The following GALNTL6 variants were observed in gnomAD, a reference collection of about 807,000 sequenced individuals.
GALNTL6 encodes the protein polypeptide N-acetylgalactosaminyltransferase-like 6.
GALNTL6 carries 46 observed loss-of-function variants against 73.7 expected under a neutral mutation model. The ratio of observed to expected loss-of-function variants is 0.62; its 90% CI spans 0.49 to 0.80. GALNTL6 has a LOEUF of 0.80. Among genes scored for constraint, GALNTL6 ranks in the 30% least tolerant of loss-of-function variants. The pLI is 0.00. For synonymous variants in GALNTL6, 259 were observed against 263.7 expected (o/e 0.98, Z 0.17); for missense variants, 604 against 755.0 (o/e 0.80, Z 2.34).
At chr4:172,447,744 G>A (rs1308586037) in intron 5 of GALNTL6, among the ~76,000 whole-genome samples, 4 of 152,084 alleles carry the variant, frequency 2.6e-5, no homozygotes, top group African/African-American at 9.7e-5. Flanking sequence ...AAAGACCAGG[G>A]AGCATATATA....
intron 2 of GALNTL6, among the ~76,000 whole-genome samples, chr4:172,214,286 C>T (rs61492556): frequency 0.013 from 1,978 of 152,118 alleles, 40 homozygotes; most frequent in African/African-American, 0.044. Flanking sequence ...GGTCTGTTGT[C>T]TTTCCATATA....
At chr4:172,529,804 G>C (rs1397646729) in intron 5 of GALNTL6, among the ~76,000 whole-genome samples, 1 of 151,868 alleles carries the variant, frequency 6.6e-6, no homozygotes, top group Admixed American at 6.6e-5. Flanking sequence ...TCCTGCCTCA[G>C]CCTCCCAAGT....
chr4:172,557,410 T>A lies in GALNTL6; in HGVS notation c.553+208721T>A, dbSNP rs1736187827. Among the ~76,000 whole-genome samples, 4 of 152,034 alleles carry A rather than the reference T, an allele frequency of 2.6e-5. No individual in the cohort carries two copies. In the South Asian group the frequency reaches 8.3e-4, roughly 32 times the overall value. On this transcript the variant is annotated intron_variant, in intron 5 of 12. Coordinates refer to ENST00000506823, the MANE Select transcript of GALNTL6 (RefSeq NM_001034845.3). Reference sequence around the variant, plus strand: ...ATTGATCAGTTGGGCTTCCTCAAGATTAAAAATGCCTGTTCATCAGAAGTT... The same window carrying A: ...ATTGATCAGTTGGGCTTCCTCAAGAATAAAAATGCCTGTTCATCAGAAGTT...
At chr4:172,952,982 T>C (rs922089747) in intron 10 of GALNTL6, among the ~76,000 whole-genome samples, 5 of 152,214 alleles carry the variant, frequency 3.3e-5, no homozygotes, top group African/African-American at 1.2e-4. Flanking sequence ...CTGCTATTGG[T>C]ATATGCAAGT....
intron 5 of GALNTL6, among the ~76,000 whole-genome samples, chr4:172,728,252 T>C (rs1358801054): frequency 6.6e-6 from 1 of 152,214 alleles, no homozygotes; most frequent in Non-Finnish European, 1.5e-5. Context: ...TTTATATCCT[T>C]CTTCCTTTTC....
At chr4:172,670,408 T>C (rs2111202814) in intron 5 of GALNTL6, among the ~76,000 whole-genome samples, 1 of 152,254 alleles carries the variant, frequency 6.6e-6, no homozygotes, top group South Asian at 2.1e-4. Flanking sequence ...ATCAGTAATA[T>C]TGAATTTTTT....
intron 5 of GALNTL6, among the ~76,000 whole-genome samples, chr4:172,678,749 A>G (rs1732450523): frequency 6.6e-6 from 1 of 152,192 alleles, no homozygotes; most frequent in South Asian, 2.1e-4. Flanking sequence ...CTCTTAATCC[A>G]TGATGTCACT....
chr4:172,715,610 G>A (rs1735029923), intron 5 of GALNTL6, among the ~76,000 whole-genome samples: 1 of 152,138 alleles, frequency 6.6e-6, no homozygotes, highest in African/African-American at 2.4e-5. Flanking sequence ...AGACCAGTTG[G>A]TCAGGCACAT....
chr4:172,015,923 A>ATTTTT lies in GALNTL6; in HGVS notation c.138+201234_138+201238dup, dbSNP rs70941375. On this transcript the variant is annotated intron_variant, in intron 2 of 12. Coordinates refer to ENST00000506823, the MANE Select transcript of GALNTL6 (RefSeq NM_001034845.3). ...AGAAATCAGCTGATAATCTAATAGG[A>ATTTTT]TTTTTTTTTTTTTTTTTTTTTTTTT... 1.1e-3 allele frequency among the ~76,000 whole-genome samples: 48 copies of ATTTTT among 44,100 alleles called. 1 individual carries two copies. Among genetic ancestry groups the ATTTTT allele is most frequent in the African/African-American group, 2.3e-3 (29 of 12,852 alleles). The allele number at this position is 44,100 out of a possible 152,430, so 28.9% of individuals were successfully genotyped here.
chr4:172,960,750 G>A (rs1487194192), intron 10 of GALNTL6, among the ~76,000 whole-genome samples: 2 of 152,148 alleles, frequency 1.3e-5, no homozygotes, highest in African/African-American at 2.4e-5. Flanking sequence ...AATGACTGTC[G>A]AGTTTGTATT....
At chr4:171,990,262 A>G (rs562513885) in intron 2 of GALNTL6, among the ~76,000 whole-genome samples, 3 of 152,352 alleles carry the variant, frequency 2.0e-5, no homozygotes, top group African/African-American at 2.4e-5. Flanking sequence ...AGTGCATACC[A>G]TGTATTGGGC....
intron 4 of GALNTL6, among the ~76,000 whole-genome samples, chr4:172,344,362 A>G (rs904679148): frequency 6.6e-6 from 1 of 152,190 alleles, no homozygotes; most frequent in African/African-American, 2.4e-5. Context: ...GCAGTGATTC[A>G]ATTTTTCTTT....
intron 5 of GALNTL6, among the ~76,000 whole-genome samples, chr4:172,638,517 T>C (rs918407873): frequency 1.3e-5 from 2 of 152,126 alleles, no homozygotes; most frequent in African/African-American, 4.8e-5. Context: ...CTCTCTCTGG[T>C]ACCTCAATGA....
chr4:172,834,245 A>G (rs1224553329), intron 7 of GALNTL6, among the ~76,000 whole-genome samples: 3 of 152,190 alleles, frequency 2.0e-5, no homozygotes, highest in Non-Finnish European at 4.4e-5. Flanking sequence ...ACCCTGGGTT[A>G]CCTCTGGACT....
At chr4:172,902,048 T>C (rs942378357) in intron 8 of GALNTL6, among the ~76,000 whole-genome samples, 4 of 152,214 alleles carry the variant, frequency 2.6e-5, no homozygotes, top group Non-Finnish European at 5.9e-5. Context: ...CCAGCTTTTA[T>C]TGAGCATCTA....
intron 2 of GALNTL6, among the ~76,000 whole-genome samples, chr4:171,977,956 G>A (rs1438215151): frequency 2.0e-5 from 3 of 152,010 alleles, no homozygotes; most frequent in Admixed American, 2.0e-4. Flanking sequence ...AGTAATTGTG[G>A]TTTTTGCCAT....
intron 12 of GALNTL6, among the ~76,000 whole-genome samples, chr4:173,026,857 G>C (rs1157401715): frequency 6.6e-6 from 1 of 152,134 alleles, no homozygotes; most frequent in Non-Finnish European, 1.5e-5. Flanking sequence ...TTTATGATTC[G>C]TGGGTTTTGT....
chr4:172,151,828 C>T (rs4692913), intron 2 of GALNTL6, among the ~76,000 whole-genome samples: 4 of 151,372 alleles, frequency 2.6e-5, no homozygotes, highest in Non-Finnish European at 5.9e-5. Context: ...TCATGGGGGA[C>T]GGCTGTGACA....
chr4:172,994,150 A>T (rs1363835817), intron 10 of GALNTL6, among the ~76,000 whole-genome samples: 1 of 151,974 alleles, frequency 6.6e-6, no homozygotes, highest in East Asian at 1.9e-4. Context: ...ATATTATCAG[A>T]TTACTACAAT....
Sources: gnomAD v4.1 joint callset for allele counts (sites outside exome capture counted in the v4.1 genomes callset) on GRCh38, gnomAD v4.1.1 for gene constraint, MANE v1.5 for transcripts, NCBI Gene and HGNC (gene_info 2026-07-23, HGNC 2026-07-21) for gene names.